ASTN2: variants seen among roughly 807,000 people sequenced by gnomAD.
The protein encoded by ASTN2 is astrotactin-2.
ASTN2 carries 54 observed loss-of-function variants against 139.8 expected under a neutral mutation model. That is an observed-to-expected ratio of 0.39 (90% confidence interval 0.31 to 0.48). The LOEUF (loss-of-function observed/expected upper bound fraction) is 0.48. ASTN2 is among the 20% of genes least tolerant of loss of function. ASTN2 has a pLI of 0.95. For missense variants in ASTN2, 1,565 were observed against 1,725.1 expected, an observed-to-expected ratio of 0.91 and a Z score of 1.64; for synonymous variants, 756 against 719.5, an observed-to-expected ratio of 1.05 and a Z score of -0.81.
intron 3 of ASTN2, among the ~76,000 whole-genome samples, chr9:117,184,268 G>A (rs1831144512): frequency 6.6e-6 from 1 of 152,198 alleles, no homozygotes; most frequent in Non-Finnish European, 1.5e-5. Flanking sequence ...GGTATAGCAA[G>A]CAGACACTGC....
chr9:117,202,224 T>C (rs1054419746), intron 3 of ASTN2, among the ~76,000 whole-genome samples: 6 of 152,172 alleles, frequency 3.9e-5, no homozygotes, highest in African/African-American at 1.4e-4. Flanking sequence ...ATTTTAAGCC[T>C]GTGTGTGTCT....
chr9:116,741,601 CACTG>C (rs1829098213), intron 13 of ASTN2, among the ~76,000 whole-genome samples: 2 of 152,176 alleles, frequency 1.3e-5, no homozygotes, highest in Non-Finnish European at 2.9e-5. Flanking sequence ...TTGGCTCTGT[CACTG>C]GCTGGCTGTG....
chr9:117,055,081 G>C (rs1839019594), intron 5 of ASTN2, among the ~76,000 whole-genome samples: 1 of 152,190 alleles, frequency 6.6e-6, no homozygotes, highest in Non-Finnish European at 1.5e-5. Flanking sequence ...ATGTGGCCAG[G>C]TTCCTAACAG....
chr9:116,735,575 T>C (rs1320920134), intron 13 of ASTN2, among the ~76,000 whole-genome samples: 1 of 152,188 alleles, frequency 6.6e-6, no homozygotes, highest in Non-Finnish European at 1.5e-5. Flanking sequence ...CAGATTGATG[T>C]TTCCCCTTGT....
intron 7 of ASTN2, among the ~76,000 whole-genome samples, chr9:116,995,119 CTTA>C (rs1449508411): frequency 3.9e-5 from 6 of 152,172 alleles, no homozygotes; most frequent in African/African-American, 1.4e-4. Flanking sequence ...CCACAAGATG[CTTA>C]TTAAGTGTAA....
intron 11 of ASTN2, among the ~76,000 whole-genome samples, chr9:116,860,837 A>G (rs1477351807): frequency 6.6e-6 from 1 of 152,214 alleles, no homozygotes; most frequent in Non-Finnish European, 1.5e-5. Context: ...TGAGAATGCT[A>G]AAGTATTCTA....
intron 10 of ASTN2, among the ~76,000 whole-genome samples, chr9:116,880,749 T>A (rs1428646192): frequency 1.3e-5 from 2 of 152,132 alleles, no homozygotes; most frequent in Non-Finnish European, 2.9e-5. Flanking sequence ...CATCCATGGC[T>A]GCCATAGGTG....
intron 19 of ASTN2, among the ~76,000 whole-genome samples, chr9:116,530,411 C>A (rs543234213): frequency 3.7e-4 from 56 of 151,202 alleles, no homozygotes; most frequent in Non-Finnish European, 6.5e-4. Context: ...TTTAAGAGAC[C>A]TATTGTACAT....
At chr9:117,113,255 A>G (rs147280605) in intron 4 of ASTN2, among the ~76,000 whole-genome samples, 1 of 152,346 alleles carries the variant, frequency 6.6e-6, no homozygotes, top group East Asian at 1.9e-4. Flanking sequence ...ACAAAACCAT[A>G]TATGTTCACA....
At chr9:117,229,514 G>A (rs993394378) in intron 2 of ASTN2, among the ~76,000 whole-genome samples, 5 of 152,156 alleles carry the variant, frequency 3.3e-5, no homozygotes, top group African/African-American at 1.2e-4. Context: ...AGTGGTCAGC[G>A]ATAGCGTCCC....
intron 1 of ASTN2, among the ~76,000 whole-genome samples, chr9:117,412,562 C>T (rs1831197859): frequency 6.6e-6 from 1 of 152,318 alleles, no homozygotes; most frequent in East Asian, 1.9e-4. Flanking sequence ...GGCACCTATA[C>T]AGATGGTTGG....
In ASTN2 at chr9:116,947,667, C is replaced by G. The variant is rs557105041; in HGVS notation, c.1889+27541G>C. On this transcript the variant is annotated intron_variant, in intron 10 of 22. Transcript: ENST00000313400. Reference sequence around the variant, plus strand: ...AGTATTTTTATAGTCCTGGTCAGACCAAGGAATATTTTTCCATGAACCATT... The same window carrying G: ...AGTATTTTTATAGTCCTGGTCAGACGAAGGAATATTTTTCCATGAACCATT... Among the ~76,000 whole-genome samples the G allele has an allele frequency of 9.9e-5, 15 of 152,194 alleles. No homozygotes were observed. The South Asian group carries it at 2.7e-3, about 27-fold the overall frequency.
At chr9:116,807,972 G>C (rs896383660) in intron 12 of ASTN2, among the ~76,000 whole-genome samples, 14 of 150,110 alleles carry the variant, frequency 9.3e-5, no homozygotes, top group Admixed American at 8.6e-4. Flanking sequence ...AAATTAGCCA[G>C]GTGTGGTGGC....
chr9:117,346,102 C>T (rs1829209171), intron 1 of ASTN2, among the ~76,000 whole-genome samples: 1 of 150,710 alleles, frequency 6.6e-6, no homozygotes. Context: ...AGGGGTGTTA[C>T]AGAATTTTTC....
chr9:116,928,168 G>T (rs897104108), intron 10 of ASTN2, among the ~76,000 whole-genome samples: 7 of 152,112 alleles, frequency 4.6e-5, no homozygotes, highest in Non-Finnish European at 1.0e-4. Flanking sequence ...TGCCGTATGT[G>T]AAAAACCTTT....
At chr9:116,745,264 G>A (rs1191612850) in intron 13 of ASTN2, among the ~76,000 whole-genome samples, 2 of 152,124 alleles carry the variant, frequency 1.3e-5, no homozygotes, top group South Asian at 2.1e-4. Flanking sequence ...GTCCTGTTTC[G>A]ACTTGTGCAT....
At chr9:116,441,613 C>T (rs1466496750) in intron 21 of ASTN2, among the ~76,000 whole-genome samples, 1 of 151,940 alleles carries the variant, frequency 6.6e-6, no homozygotes, top group African/African-American at 2.4e-5. Flanking sequence ...GCACATAAAA[C>T]ATTTATAATT....
intron 2 of ASTN2, among the ~76,000 whole-genome samples, chr9:117,244,578 GGAGGGAGGGAGGGAGGGAGGGAGGGAGGA>G (rs1336123977): frequency 2.7e-3 from 25 of 9,156 alleles, no homozygotes; most frequent in Non-Finnish European, 0.023. Flanking sequence ...AGGAAGGGAG[GGAGGGAGGGAGGGAGGGAGGGAGGGAGGA>G]GAGGGAGGGA....
chr9:116,720,480 T>C (rs1828440981), intron 16 of ASTN2, among the ~76,000 whole-genome samples: 1 of 152,126 alleles, frequency 6.6e-6, no homozygotes, highest in Non-Finnish European at 1.5e-5. Flanking sequence ...TCTCTTTATC[T>C]CGCCATTTCT....
Sources: gnomAD v4.1 joint callset for allele counts (sites outside exome capture counted in the v4.1 genomes callset) on GRCh38, gnomAD v4.1.1 for gene constraint, MANE v1.5 for transcripts, NCBI Gene and HGNC (gene_info 2026-07-23, HGNC 2026-07-21) for gene names.